SCFD1: variants seen among roughly 807,000 people sequenced by gnomAD.
The protein encoded by SCFD1 is sec1 family domain-containing protein 1.
A neutral mutation model predicts 103.2 loss-of-function variants in SCFD1; 37 were observed. The observed-to-expected ratio is 0.36, with a 90% CI of 0.28 to 0.47. The LOEUF is 0.47. SCFD1 is among the 20% of genes least tolerant of loss of function. The probability of loss-of-function intolerance (pLI) is 1.00; values close to 1 mark genes in which losing one functional copy is unlikely to be tolerated. For synonymous variants in SCFD1, 264 were observed against 245.0 expected (o/e 1.08, Z -0.73); for missense variants, 639 against 761.2 (o/e 0.84, Z 1.89).
At chr14:30,625,396 A>G (rs985096798) in intron 1 of SCFD1, among the ~76,000 whole-genome samples, 1 of 152,170 alleles carries the variant, frequency 6.6e-6, no homozygotes, top group African/African-American at 2.4e-5. Flanking sequence ...AGCTTAAAAA[A>G]TTTTGATTTT....
chr14:30,658,554 G>A (rs1264543450), intron 10 of SCFD1, among the ~76,000 whole-genome samples: 3 of 151,840 alleles, frequency 2.0e-5, no homozygotes, highest in Admixed American at 2.0e-4. Context: ...AACCATGCCC[G>A]GCTAATTTTT....
At chr14:30,731,214 C>T (rs895017071) in intron 23 of SCFD1, among the ~76,000 whole-genome samples, 1 of 152,112 alleles carries the variant, frequency 6.6e-6, no homozygotes, top group Non-Finnish European at 1.5e-5. Context: ...GTCTATATCT[C>T]TGTTTTGGTA....
chr14:30,637,768 A>G (rs917899079), intron 4 of SCFD1, among the ~76,000 whole-genome samples: 2 of 152,208 alleles, frequency 1.3e-5, no homozygotes, highest in African/African-American at 4.8e-5. Flanking sequence ...TCACATGTCC[A>G]GAACAGTTGA....
intron 10 of SCFD1, among the ~76,000 whole-genome samples, chr14:30,655,755 G>A (rs1469411382): frequency 6.6e-6 from 1 of 152,170 alleles, no homozygotes; most frequent in Admixed American, 6.5e-5. Context: ...CTTTGCAAAT[G>A]GCAAGACGTT....
chr14:30,637,871 C>T (rs889057170), intron 4 of SCFD1, among the ~76,000 whole-genome samples: 1 of 152,102 alleles, frequency 6.6e-6, no homozygotes, highest in African/African-American at 2.4e-5. Context: ...TGTATGAAAG[C>T]AGTTTGTACT....
intron 14 of SCFD1, among the ~76,000 whole-genome samples, chr14:30,676,889 C>T (rs1889077726): frequency 6.6e-6 from 1 of 152,110 alleles, no homozygotes; most frequent in Non-Finnish European, 1.5e-5. Context: ...ACATAATTTA[C>T]TTACGAAATT....
At chr14:30,641,995 G>T (rs142541720) in intron 6 of SCFD1, among the ~76,000 whole-genome samples, 44 of 152,266 alleles carry the variant, frequency 2.9e-4, no homozygotes, top group African/African-American at 9.1e-4. Context: ...CAAGGTCTTT[G>T]TCAAAGACAG....
chr14:30,698,100 T>C (rs1308628273), intron 15 of SCFD1, among the ~76,000 whole-genome samples: 2 of 152,200 alleles, frequency 1.3e-5, no homozygotes, highest in East Asian at 3.8e-4. Context: ...CAGGTCAGCA[T>C]CTTACTCTCA....
chr14:30,632,091 G>T (rs957812644), intron 3 of SCFD1, among the ~76,000 whole-genome samples: 1 of 145,588 alleles, frequency 6.9e-6, no homozygotes, highest in South Asian at 2.2e-4. Context: ...GAGAAGGACT[G>T]TGTTCATGGA....
intron 19 of SCFD1, among the ~76,000 whole-genome samples, chr14:30,710,426 G>C (rs374491232): frequency 2.0e-5 from 3 of 148,500 alleles, no homozygotes; most frequent in Non-Finnish European, 4.4e-5. Flanking sequence ...TCAAGTAAAA[G>C]TAATAGTCAT....
chr14:30,699,523 C>T (rs983968869), intron 15 of SCFD1, among the ~76,000 whole-genome samples: 3 of 152,176 alleles, frequency 2.0e-5, no homozygotes, highest in Admixed American at 6.5e-5. Flanking sequence ...ACTCAGAGCA[C>T]TGCAAGCAAG....
intron 1 of SCFD1, among the ~76,000 whole-genome samples, chr14:30,626,116 G>T (rs1883413334): frequency 6.6e-6 from 1 of 151,720 alleles, no homozygotes; most frequent in Admixed American, 6.6e-5. Flanking sequence ...TGCTTCCTGT[G>T]TTATTTCAGT....
intron 19 of SCFD1, among the ~76,000 whole-genome samples, chr14:30,714,210 C>T (rs1255932227): frequency 2.6e-5 from 4 of 151,538 alleles, no homozygotes; most frequent in Admixed American, 6.6e-5. Flanking sequence ...AAAAATTAGC[C>T]GGGCGCAGTG....
chr14:30,721,648 G>A (rs1183850272), intron 21 of SCFD1: 4 of 491,184 alleles, frequency 8.1e-6, no homozygotes, highest in Non-Finnish European at 7.2e-6. Context: ...TAAAGTAATA[G>A]GGTTGACCCA....
chr14:30,664,125 G>A (rs1566610464), intron 10 of SCFD1, among the ~76,000 whole-genome samples: 3 of 152,052 alleles, frequency 2.0e-5, no homozygotes. Context: ...TCTCCCAGTA[G>A]GGGCTGACTG....
intron 14 of SCFD1, among the ~76,000 whole-genome samples, chr14:30,679,017 T>C (rs1566625826): frequency 6.6e-6 from 1 of 152,194 alleles, no homozygotes; most frequent in Non-Finnish European, 1.5e-5. Context: ...TGACTTTTTA[T>C]TTTTATTTTT....
chr14:30,670,173 T>C (rs1888405046), intron 10 of SCFD1, 83 bp from the exon 11 acceptor site: 2 of 1,114,992 alleles, frequency 1.8e-6, no homozygotes, highest in Admixed American at 5.3e-5. Flanking sequence ...ATTTTGTCCT[T>C]GGAAACATTA....
chr14:30,630,831 A>C (rs1401553632), intron 3 of SCFD1: 1 of 338,096 alleles, frequency 3.0e-6, no homozygotes, highest in Non-Finnish European at 5.3e-6. Context: ...GGTCTCTTCC[A>C]GCTCTAAAAG....
intron 4 of SCFD1, among the ~76,000 whole-genome samples, chr14:30,634,615 A>G (rs1884524916): frequency 6.6e-6 from 1 of 152,168 alleles, no homozygotes; most frequent in African/African-American, 2.4e-5. Context: ...CAGAAAGCCT[A>G]GGTATATTGC....
Sources: gnomAD v4.1 joint callset for allele counts (sites outside exome capture counted in the v4.1 genomes callset) on GRCh38, gnomAD v4.1.1 for gene constraint, MANE v1.5 for transcripts, NCBI Gene and HGNC (gene_info 2026-07-23, HGNC 2026-07-21) for gene names.